KCND2: variants seen among roughly 807,000 people sequenced by gnomAD.
KCND2 encodes the protein potassium voltage-gated channel subfamily D member 2.
A neutral mutation model predicts 54.4 loss-of-function variants in KCND2; 16 were observed. That is an observed-to-expected ratio of 0.29 (90% CI 0.20 to 0.45). The LOEUF (loss-of-function observed/expected upper bound fraction) is 0.45. Ranked by LOEUF, KCND2 falls within the 20% of genes least tolerant of loss-of-function variation. The probability of loss-of-function intolerance (pLI) is 1.00; values close to 1 mark genes in which losing one functional copy is unlikely to be tolerated. For missense variants in KCND2, 486 were observed against 824.2 expected (o/e 0.59, Z 5.02); for synonymous variants, 317 against 310.7 (o/e 1.02, Z -0.21).
At chr7:120,684,407 A>G (rs1289115502) in intron 1 of KCND2, among the ~76,000 whole-genome samples, 1 of 152,096 alleles carries the variant, frequency 6.6e-6, no homozygotes, top group African/African-American at 2.4e-5. Flanking sequence ...AGATATGTAA[A>G]TTTCCTTCTT....
chr7:120,604,727 C>T (rs1792859503), intron 1 of KCND2, among the ~76,000 whole-genome samples: 2 of 151,742 alleles, frequency 1.3e-5, no homozygotes, highest in South Asian at 2.1e-4. Flanking sequence ...TGGAAACAGA[C>T]TGAATATTTT....
chr7:120,591,968 T>C (rs1025445102), intron 1 of KCND2, among the ~76,000 whole-genome samples: 1 of 152,204 alleles, frequency 6.6e-6, no homozygotes, highest in African/African-American at 2.4e-5. Flanking sequence ...CTGCCAAGAC[T>C]TTATAAACAA....
intron 1 of KCND2, among the ~76,000 whole-genome samples, chr7:120,446,009 T>C (rs67254803): frequency 0.17 from 25,845 of 152,106 alleles, 2,842 homozygotes; most frequent in East Asian, 0.56. Flanking sequence ...TAGTAGGCAC[T>C]CAATAAATAT....
At chr7:120,585,660 A>G (rs1348219930) in intron 1 of KCND2, among the ~76,000 whole-genome samples, 5 of 152,118 alleles carry the variant, frequency 3.3e-5, no homozygotes, top group African/African-American at 4.8e-5. Context: ...CATCCATATA[A>G]ATAGGTAAAG....
At chr7:120,675,343 G>A (rs1350930307) in intron 1 of KCND2, among the ~76,000 whole-genome samples, 2 of 151,844 alleles carry the variant, frequency 1.3e-5, no homozygotes. Context: ...AGTGATTCTT[G>A]TGACTCGAGT....
chr7:120,330,698 A>C (rs969116187), intron 1 of KCND2, among the ~76,000 whole-genome samples: 1 of 151,604 alleles, frequency 6.6e-6, no homozygotes, highest in Non-Finnish European at 1.5e-5. Context: ...AAGCTGTGGT[A>C]CTTATATCCA....
At chr7:120,474,826 T>C (rs1419636706) in intron 1 of KCND2, among the ~76,000 whole-genome samples, 1 of 152,196 alleles carries the variant, frequency 6.6e-6, no homozygotes, top group Non-Finnish European at 1.5e-5. Flanking sequence ...ATTGTCACTT[T>C]AGTCTTTGCT....
chr7:120,744,089 G>A lies in KCND2; in HGVS notation c.1467+1487G>A, dbSNP rs533338867. On this transcript the variant is annotated intron_variant, in intron 4 of 5. Transcript: ENST00000331113. ...AGCCTGACCAACATGGTGAAACCTCGTCTCTACTAAAAATACAAAAAAATT... is the reference window on the plus strand; with the variant it reads ...AGCCTGACCAACATGGTGAAACCTCATCTCTACTAAAAATACAAAAAAATT... 5.9e-5 allele frequency among the ~76,000 whole-genome samples: 9 copies of A among 152,108 alleles called. No homozygotes were observed. The South Asian group carries it at 1.0e-3, about 18-fold the overall frequency.
intron 1 of KCND2, among the ~76,000 whole-genome samples, chr7:120,576,370 T>A (rs558033212): frequency 5.3e-5 from 8 of 152,312 alleles, no homozygotes; most frequent in African/African-American, 1.9e-4. Context: ...TGCTACATAA[T>A]TTTCCATTTT....
intron 1 of KCND2, among the ~76,000 whole-genome samples, chr7:120,701,978 T>G (rs929177351): frequency 1.3e-5 from 2 of 152,106 alleles, no homozygotes; most frequent in African/African-American, 4.8e-5. Flanking sequence ...TGAACTAATC[T>G]TCTGTACAGC....
At chr7:120,493,068 C>A (rs1485044123) in intron 1 of KCND2, among the ~76,000 whole-genome samples, 1 of 151,924 alleles carries the variant, frequency 6.6e-6, no homozygotes, top group East Asian at 1.9e-4. Flanking sequence ...AATACCATCA[C>A]CTTGGGTGAC....
At chr7:120,386,658 A>T (rs996749825) in intron 1 of KCND2, among the ~76,000 whole-genome samples, 1 of 152,154 alleles carries the variant, frequency 6.6e-6, no homozygotes, top group Non-Finnish European at 1.5e-5. Flanking sequence ...TTTTTAACCT[A>T]ATAAACACCA....
At chr7:120,411,770 A>G (rs1414595544) in intron 1 of KCND2, among the ~76,000 whole-genome samples, 1 of 151,990 alleles carries the variant, frequency 6.6e-6, no homozygotes. Context: ...ATTATTTTAC[A>G]GATGAAGAAA....
intron 1 of KCND2, among the ~76,000 whole-genome samples, chr7:120,586,804 A>T (rs1276173353): frequency 6.6e-6 from 1 of 152,138 alleles, no homozygotes; most frequent in East Asian, 1.9e-4. Context: ...CTGCTTGAAT[A>T]GTTTCATTTA....
intron 1 of KCND2, among the ~76,000 whole-genome samples, chr7:120,418,839 G>A (rs961706589): frequency 6.6e-6 from 1 of 152,082 alleles, no homozygotes; most frequent in South Asian, 2.1e-4. Flanking sequence ...TTACTCAATT[G>A]TTCCACCAAA....
Position 120,407,730 on chromosome 7 carries a change from A to G in KCND2, c.1115+131983A>G, listed in dbSNP as rs192716332. On this transcript the variant is annotated intron_variant, in intron 1 of 5. Coordinates refer to ENST00000331113, the MANE Select transcript of KCND2 (RefSeq NM_012281.3). ...CTTTATAATATAAAAATATAATAAT[A>G]TAATATAGAAACCTTATAAAATTGT... 4.2e-3 allele frequency among the ~76,000 whole-genome samples: 634 copies of G among 150,732 alleles called. 4 individuals carry two copies. The highest frequency in any genetic ancestry group is 0.01 in the Middle Eastern group (3 of 286).
chr7:120,610,209 C>A (rs1792935530), intron 1 of KCND2, among the ~76,000 whole-genome samples: 1 of 152,116 alleles, frequency 6.6e-6, no homozygotes, highest in Non-Finnish European at 1.5e-5. Flanking sequence ...GTGAGGCAGA[C>A]CTCCATAACA....
intron 1 of KCND2, among the ~76,000 whole-genome samples, chr7:120,411,597 T>C (rs1445100690): frequency 1.3e-5 from 2 of 151,902 alleles, no homozygotes; most frequent in African/African-American, 4.8e-5. Context: ...TATAAGGAAA[T>C]ACATAATTTA....
At chr7:120,388,284 G>C (rs1323003985) in intron 1 of KCND2, among the ~76,000 whole-genome samples, 1 of 152,006 alleles carries the variant, frequency 6.6e-6, no homozygotes, top group Non-Finnish European at 1.5e-5. Context: ...ATGTAGTGTT[G>C]TCTATATTCA....
Sources: allele counts gnomAD v4.1 joint callset (sites outside exome capture counted in the v4.1 genomes callset), GRCh38; gene constraint gnomAD v4.1.1; transcripts MANE v1.5; gene names NCBI Gene and HGNC (gene_info 2026-07-23, HGNC 2026-07-21).